DCC: variants seen among roughly 807,000 people sequenced by gnomAD.
The protein encoded by DCC is netrin receptor DCC.
In DCC, 58 loss-of-function variants were observed where a neutral mutation model predicts 172.5. The ratio of observed to expected loss-of-function variants is 0.34; its 90% CI spans 0.27 to 0.42. The LOEUF (loss-of-function observed/expected upper bound fraction) is 0.42. DCC is among the 10% of genes least tolerant of loss of function. The pLI, the probability that DCC is intolerant of heterozygous loss-of-function variation, is 1.00. For synonymous variants in DCC, 709 were observed against 644.5 expected (o/e 1.10, Z -1.52); for missense variants, 1,740 against 1,791.0 (o/e 0.97, Z 0.51).
chr18:52,662,116 C>A (rs2035370807), intron 1 of DCC, among the ~76,000 whole-genome samples: 1 of 152,174 alleles, frequency 6.6e-6, no homozygotes, highest in Non-Finnish European at 1.5e-5. Context: ...TCAGAATCAG[C>A]TGGCGGGCTT....
At chr18:53,325,554 T>C (rs926923523) in intron 14 of DCC, among the ~76,000 whole-genome samples, 1 of 152,174 alleles carries the variant, frequency 6.6e-6, no homozygotes, top group African/African-American at 2.4e-5. Flanking sequence ...AATTTTTCAT[T>C]TAACTCCATG....
intron 5 of DCC, among the ~76,000 whole-genome samples, chr18:53,006,743 TTTAAA>T (rs2041652646): frequency 6.6e-6 from 1 of 152,190 alleles, no homozygotes; most frequent in Admixed American, 6.5e-5. Flanking sequence ...AGCACAGCTG[TTTAAA>T]TTAATTTCAT....
chr18:53,363,192 C>T (rs1303322834), intron 15 of DCC, among the ~76,000 whole-genome samples: 1 of 152,088 alleles, frequency 6.6e-6, no homozygotes, highest in East Asian at 1.9e-4. Context: ...GGTGACGTAC[C>T]TTTCACATGC....
intron 1 of DCC, among the ~76,000 whole-genome samples, chr18:52,691,819 C>G (rs1421519675): frequency 6.6e-6 from 1 of 152,112 alleles, no homozygotes; most frequent in African/African-American, 2.4e-5. Context: ...CAACCTCACT[C>G]CCACCCTATC....
At chr18:52,894,337 C>A (rs1398649383) in intron 2 of DCC, among the ~76,000 whole-genome samples, 1 of 151,854 alleles carries the variant, frequency 6.6e-6, no homozygotes, top group Non-Finnish European at 1.5e-5. Flanking sequence ...TGATCCCTGG[C>A]ACATATTAGA....
At chr18:52,927,606 C>A (rs1484237789) in intron 5 of DCC, among the ~76,000 whole-genome samples, 1 of 151,952 alleles carries the variant, frequency 6.6e-6, no homozygotes, top group African/African-American at 2.4e-5. Flanking sequence ...CTCTAGTGAA[C>A]CTTGACTAGT....
Position 53,342,088 on chromosome 18 carries a change from C to A in DCC, c.2359+2181C>A, listed in dbSNP as rs1214883191. ...TCAAGTATCATGGTTGTATATTAAA[C>A]TATAAAAAAGCTATTTGTTTTATAA... is the stretch of plus-strand genomic sequence containing the variant. On this transcript the variant is annotated intron_variant, in intron 15 of 28. Transcript: ENST00000442544. Among the ~76,000 whole-genome samples the A allele has an allele frequency of 2.0e-5, 3 of 151,950 alleles. No individual in the cohort carries two copies. The East Asian group carries it at 5.8e-4, about 29-fold the overall frequency.
Position 52,520,704 on chromosome 18 carries a change from T to C in DCC, c.91+179826T>C, listed in dbSNP as rs1417809181. Among the ~76,000 whole-genome samples, 2 of 151,346 alleles carry C rather than the reference T, an allele frequency of 1.3e-5. 1 individual carries two copies. Among genetic ancestry groups the C allele is most frequent in the South Asian group, 4.2e-4 (2 of 4,744 alleles). On this transcript the variant is annotated intron_variant, in intron 1 of 28. Transcript: ENST00000442544. Reference sequence around the variant, plus strand: ...TACTTTTTGTTATATTATGACAAGGTTTTTTTTAAGAATTTAGGCAATGAT... The same window carrying C: ...TACTTTTTGTTATATTATGACAAGGCTTTTTTTAAGAATTTAGGCAATGAT...
chr18:52,824,618 T>A (rs771778641), intron 2 of DCC, among the ~76,000 whole-genome samples: 20 of 152,160 alleles, frequency 1.3e-4, no homozygotes, highest in Non-Finnish European at 2.6e-4. Context: ...TCTTTTGAAC[T>A]GCTATAGTTT....
intron 1 of DCC, among the ~76,000 whole-genome samples, chr18:52,410,077 A>G (rs538375037): frequency 1.4e-4 from 22 of 152,216 alleles, no homozygotes; most frequent in Admixed American, 1.0e-3. Flanking sequence ...AAGTCATGAA[A>G]ATGTAGGATA....
intron 14 of DCC, among the ~76,000 whole-genome samples, chr18:53,327,135 G>C (rs759247546): frequency 6.6e-6 from 1 of 152,182 alleles, no homozygotes; most frequent in Non-Finnish European, 1.5e-5. Context: ...GATAACTGTA[G>C]CTTGGAGAAA....
chr18:52,439,174 T>TTGTGTGTGTGTGTG (rs60983168), intron 1 of DCC, among the ~76,000 whole-genome samples: 2,888 of 144,728 alleles, frequency 0.02, 56 homozygotes, highest in South Asian at 0.031. Flanking sequence ...AAGATATGTT[T>TTGTGTGTGTGTGTG]TGTGTGTGTG....
intron 27 of DCC, among the ~76,000 whole-genome samples, chr18:53,522,166 A>G (rs191301526): frequency 1.6e-3 from 238 of 152,152 alleles, no homozygotes; most frequent in African/African-American, 5.5e-3. Context: ...AAATATCAAC[A>G]TGAATTTCAC....
At chr18:53,185,651 A>T (rs916266267) in intron 9 of DCC, among the ~76,000 whole-genome samples, 2 of 152,166 alleles carry the variant, frequency 1.3e-5, no homozygotes, top group Non-Finnish European at 2.9e-5. Flanking sequence ...GAACATTTCC[A>T]TTATTTCAGA....
chr18:53,065,057 A>G (rs1354766969), intron 6 of DCC, among the ~76,000 whole-genome samples: 1 of 152,064 alleles, frequency 6.6e-6, no homozygotes, highest in Non-Finnish European at 1.5e-5. Context: ...GTGCTTAAAA[A>G]TATTTCCTCA....
intron 2 of DCC, among the ~76,000 whole-genome samples, chr18:52,849,716 A>AT (rs1231610952): frequency 6.6e-6 from 1 of 152,160 alleles, no homozygotes; most frequent in Non-Finnish European, 1.5e-5. Context: ...ATGCTTCTTC[A>AT]TTTTTTAGCA....
At chr18:53,448,623 CTG>C (rs1263375711) in intron 22 of DCC, among the ~76,000 whole-genome samples, 2 of 152,166 alleles carry the variant, frequency 1.3e-5, no homozygotes, top group Non-Finnish European at 2.9e-5. Flanking sequence ...CTTTGGGAGA[CTG>C]AGGCTGGCAG....
chr18:52,659,301 A>G (rs1019933431), intron 1 of DCC, among the ~76,000 whole-genome samples: 1 of 152,152 alleles, frequency 6.6e-6, no homozygotes, highest in African/African-American at 2.4e-5. Context: ...CCATGACACT[A>G]TCCTCCAGGA....
intron 2 of DCC, among the ~76,000 whole-genome samples, chr18:52,866,228 C>T (rs911057102): frequency 1.3e-5 from 2 of 152,078 alleles, no homozygotes; most frequent in Non-Finnish European, 2.9e-5. Flanking sequence ...TTTCTGAGGC[C>T]AGTGTTCTGT....
Sources: allele counts gnomAD v4.1 joint callset (sites outside exome capture counted in the v4.1 genomes callset), GRCh38; gene constraint gnomAD v4.1.1; transcripts MANE v1.5; gene names NCBI Gene and HGNC (gene_info 2026-07-23, HGNC 2026-07-21).